The following GALNT13 variants were observed in gnomAD, a reference collection of about 807,000 sequenced individuals.
The protein encoded by GALNT13 is UDP-GalNAc:polypeptide N-acetylgalactosaminyltransferase 13.
Under a neutral mutation model 64.2 loss-of-function variants are expected in GALNT13, and 28 were observed. That is an observed-to-expected ratio of 0.44 (90% CI 0.32 to 0.60). GALNT13 has a LOEUF of 0.60. Ranked by LOEUF, GALNT13 falls within the 20% of genes least tolerant of loss-of-function variation. GALNT13 has a pLI of 0.05. For synonymous variants in GALNT13, 214 were observed against 224.6 expected, an observed-to-expected ratio of 0.95 and a Z score of 0.42; for missense variants, 577 against 669.8, an observed-to-expected ratio of 0.86 and a Z score of 1.53.
the GALNT13 span, among the ~76,000 whole-genome samples, chr2:153,118,114 C>CACACACAA: frequency 6.2e-5 from 9 of 146,128 alleles, no homozygotes; most frequent in African/African-American, 2.4e-4. Flanking sequence ...TACCAACACA[C>CACACACAA]ACACACACAC....
the GALNT13 span, among the ~76,000 whole-genome samples, chr2:153,791,930 A>C: frequency 6.6e-6 from 1 of 152,078 alleles, no homozygotes; most frequent in Non-Finnish European, 1.5e-5. Context: ...AAGGTGGAGG[A>C]GGGGGAGGAT....
intron 11 of GALNT13, among the ~76,000 whole-genome samples, chr2:154,432,495 T>C (rs1240059847): frequency 6.6e-6 from 1 of 152,194 alleles, no homozygotes; most frequent in Non-Finnish European, 1.5e-5. Flanking sequence ...GCAAACTAGG[T>C]TGCTTAATAG....
chr2:153,495,261 C>T, the GALNT13 span, among the ~76,000 whole-genome samples: 1 of 151,906 alleles, frequency 6.6e-6, no homozygotes, highest in South Asian at 2.1e-4. Context: ...TAGACATTCA[C>T]CTACTATAAG....
intron 4 of GALNT13, among the ~76,000 whole-genome samples, chr2:154,147,772 C>G (rs1225399216): frequency 6.6e-6 from 1 of 151,808 alleles, no homozygotes; most frequent in Non-Finnish European, 1.5e-5. Flanking sequence ...CTAAATCTAC[C>G]TGGTAATCAT....
chr2:153,853,248 T>C, the GALNT13 span, among the ~76,000 whole-genome samples: 18 of 152,230 alleles, frequency 1.2e-4, no homozygotes, highest in Admixed American at 5.2e-4. Flanking sequence ...CCCACCCAGA[T>C]TGGGGGTGGG....
At chr2:154,059,421 A>G (rs72621669) in intron 3 of GALNT13, among the ~76,000 whole-genome samples, 12,889 of 152,262 alleles carry the variant, frequency 0.085, 1,507 homozygotes, top group East Asian at 0.62. Context: ...ATAATTTACA[A>G]TATAAAGGCT....
upstream of GALNT13, among the ~76,000 whole-genome samples, chr2:153,871,216 G>T (rs1685904426): frequency 6.6e-6 from 1 of 152,154 alleles, no homozygotes. Context: ...ACTTGCCTGA[G>T]AAAGGAATTC....
At chr2:153,570,493 GC>G in the GALNT13 span, among the ~76,000 whole-genome samples, 3 of 152,096 alleles carry the variant, frequency 2.0e-5, no homozygotes, top group Admixed American at 2.0e-4. Context: ...TGCTTTGGTT[GC>G]CTATGCTTGT....
intron 9 of GALNT13, among the ~76,000 whole-genome samples, chr2:154,381,848 G>C (rs927828428): frequency 1.3e-4 from 19 of 151,954 alleles, no homozygotes; most frequent in African/African-American, 4.4e-4. Flanking sequence ...AGAATCTTTT[G>C]GCAGCTGCTG....
At chr2:153,860,962 G>A in the GALNT13 span, among the ~76,000 whole-genome samples, 2 of 152,214 alleles carry the variant, frequency 1.3e-5, no homozygotes, top group South Asian at 2.1e-4. Flanking sequence ...TCATTACTGA[G>A]TTTAGGGATT....
At chr2:153,279,994 C>A in the GALNT13 span, among the ~76,000 whole-genome samples, 1 of 152,064 alleles carries the variant, frequency 6.6e-6, no homozygotes, top group Non-Finnish European at 1.5e-5. Flanking sequence ...TCCAGCCAGT[C>A]TGGGGCTTTT....
the GALNT13 span, among the ~76,000 whole-genome samples, chr2:153,703,320 C>T: frequency 6.6e-6 from 1 of 152,018 alleles, no homozygotes; most frequent in Non-Finnish European, 1.5e-5. Context: ...TACTGTATCT[C>T]ATTTATTTAA....
the GALNT13 span, among the ~76,000 whole-genome samples, chr2:153,118,083 CAA>C: frequency 7.0e-6 from 1 of 143,654 alleles, no homozygotes; most frequent in Non-Finnish European, 1.5e-5. Flanking sequence ...TTCTAAGAAA[CAA>C]ATCTATAATG....
At chr2:154,009,143 A>G (rs1483707387) in intron 3 of GALNT13, among the ~76,000 whole-genome samples, 1 of 150,948 alleles carries the variant, frequency 6.6e-6, no homozygotes, top group African/African-American at 2.4e-5. Flanking sequence ...TCATTTATTG[A>G]ATAGAAAGTC....
chr2:153,090,898 G>A, the GALNT13 span, among the ~76,000 whole-genome samples: 2 of 152,098 alleles, frequency 1.3e-5, no homozygotes, highest in African/African-American at 4.8e-5. Context: ...GGAAAGTGGG[G>A]GATAGCTGGT....
At chr2:154,127,534 G>A (rs1682354085) in intron 3 of GALNT13, among the ~76,000 whole-genome samples, 1 of 151,840 alleles carries the variant, frequency 6.6e-6, no homozygotes, top group African/African-American at 2.4e-5. Context: ...ACCTCCATAA[G>A]TAGTTGTGAA....
the GALNT13 span, among the ~76,000 whole-genome samples, chr2:153,671,391 A>G: frequency 5.9e-5 from 9 of 152,200 alleles, no homozygotes; most frequent in Non-Finnish European, 1.3e-4. Flanking sequence ...AGTGGGGGCC[A>G]ATATTCAACA....
the GALNT13 span, among the ~76,000 whole-genome samples, chr2:153,711,515 A>G: frequency 5.9e-5 from 9 of 152,298 alleles, no homozygotes; most frequent in South Asian, 1.9e-3. Flanking sequence ...TAGGTAATTA[A>G]ATGGAAGTTC....
chr2:154,169,805 A>AT (rs2105696695), intron 4 of GALNT13, among the ~76,000 whole-genome samples: 1 of 152,260 alleles, frequency 6.6e-6, no homozygotes, highest in South Asian at 2.1e-4. Context: ...CACCCACCGT[A>AT]TTCAATGATG....
Sources: gnomAD v4.1 joint callset for allele counts (sites outside exome capture counted in the v4.1 genomes callset) on GRCh38, gnomAD v4.1.1 for gene constraint, MANE v1.5 for transcripts, NCBI Gene and HGNC (gene_info 2026-07-23, HGNC 2026-07-21) for gene names.